Variants in MAP6 observed in about 807,000 individuals in gnomAD.
The protein encoded by MAP6 is microtubule-associated protein 6.
In MAP6, 26 loss-of-function variants were observed where a neutral mutation model predicts 42.4. The ratio of observed to expected loss-of-function variants is 0.61; its 90% CI spans 0.45 to 0.85. The LOEUF is 0.85. Ranked by LOEUF, MAP6 falls within the 40% of genes least tolerant of loss-of-function variation. MAP6 has a pLI of 0.00. For missense variants in MAP6, 966 were observed against 1,099.0 expected, an observed-to-expected ratio of 0.88 and a Z score of 1.71; for synonymous variants, 418 against 443.8, an observed-to-expected ratio of 0.94 and a Z score of 0.73.
At chr11:75,607,287 G>T (rs1942797770) in intron 2 of MAP6, 2 of 985,342 alleles carry the variant, frequency 2.0e-6, no homozygotes, top group Non-Finnish European at 1.2e-6. Context: ...CAGAGAAAAG[G>T]ATAATTAGGT....
At chr11:75,636,862 A>G (rs1206546795) in intron 1 of MAP6, among the ~76,000 whole-genome samples, 11 of 152,112 alleles carry the variant, frequency 7.2e-5, no homozygotes, top group Non-Finnish European at 1.6e-4. Flanking sequence ...TTGCCTCCTG[A>G]CCCAACTTGG....
Position 75,667,094 on chromosome 11 carries a change from G to C in MAP6, c.905+371C>G, listed in dbSNP as rs568607831. On this transcript the variant is annotated intron_variant, in intron 1 of 3. Coordinates refer to ENST00000304771, the MANE Select transcript of MAP6 (RefSeq NM_033063.2). This position sits in a 1 kb window ranked among gnomAD's most constrained non-coding sequence, Gnocchi z 5.6. Reference sequence around the variant, plus strand: ...CTGGAAGAATGGGGACCCTGCAAAGGGCAACATCCAGGCTAACGCAGCAGG... The same window carrying C: ...CTGGAAGAATGGGGACCCTGCAAAGCGCAACATCCAGGCTAACGCAGCAGG... 7.9e-5 allele frequency among the ~76,000 whole-genome samples: 12 copies of C among 152,210 alleles called. No individual in the cohort carries two copies. Among genetic ancestry groups the C allele is most frequent in the South Asian group, 2.1e-4 (1 of 4,808 alleles).
intron 1 of MAP6, among the ~76,000 whole-genome samples, chr11:75,629,784 T>C (rs1051946648): frequency 6.6e-6 from 1 of 151,980 alleles, no homozygotes; most frequent in Non-Finnish European, 1.5e-5. Context: ...TGGAGGGAGC[T>C]GTTACTGAAG....
intron 1 of MAP6, among the ~76,000 whole-genome samples, chr11:75,656,203 C>T (rs922287816): frequency 1.3e-5 from 2 of 152,132 alleles, no homozygotes; most frequent in African/African-American, 4.8e-5. Context: ...AGACACTGCA[C>T]AAAATGGACA....
Position 75,628,029 on chromosome 11 carries a change from C to T in MAP6, c.906-19707G>A, listed in dbSNP as rs115113617. 6.4e-3 allele frequency among the ~76,000 whole-genome samples: 972 copies of T among 152,170 alleles called. 14 individuals carry two copies. The highest frequency in any genetic ancestry group is 0.022 in the African/African-American group (930 of 41,496). On this transcript the variant is annotated intron_variant, in intron 1 of 3. Transcript: ENST00000304771. ...ATCAAGAGAGAGGCTCAAGGACACC[C>T]GGATCTCAGGGGCTGTGCTGGAGCC... is the stretch of plus-strand genomic sequence containing the variant.
chr11:75,606,718 C>T (rs1365619537), intron 2 of MAP6, among the ~76,000 whole-genome samples: 1 of 152,176 alleles, frequency 6.6e-6, no homozygotes, highest in Non-Finnish European at 1.5e-5. Context: ...AGGCTTTCCA[C>T]TGCCAGCACT....
At chr11:75,604,718 G>C (rs1942726457) in intron 3 of MAP6, 2 of 985,346 alleles carry the variant, frequency 2.0e-6, no homozygotes, top group South Asian at 4.7e-5. Flanking sequence ...AATATACTGA[G>C]AGCTGCTTTT....
intron 1 of MAP6, among the ~76,000 whole-genome samples, chr11:75,612,964 T>A (rs1037616790): frequency 2.6e-5 from 4 of 152,158 alleles, no homozygotes; most frequent in African/African-American, 9.7e-5. Context: ...TCTTAAAGGA[T>A]AAGATAAGAC....
chr11:75,667,910 T>C lies in MAP6; in HGVS notation c.460A>G (p.Thr154Ala). 1 of 1,420,274 alleles carries C rather than the reference T, an allele frequency of 7.0e-7. No homozygotes were observed. The highest frequency in any genetic ancestry group is 9.2e-7 in the Non-Finnish European group (1 of 1,083,362). The allele number at this position is 1,420,274 out of a possible 1,614,324, so 88.0% of individuals were successfully genotyped here. A position where few individuals can be genotyped will look rare whatever the true frequency, so the allele number is the denominator to read the frequency against. The change falls in exon 1 of 4, where the codon ACC becomes GCC. Residue 154 changes from threonine to alanine, a missense_variant. This residue lies in a region of MAP6 where 943 missense variants were observed against 1,049.9 expected (regional missense o/e 0.90). Transcript: ENST00000304771. The surrounding 1 kb of genome is among the most constrained non-coding windows in gnomAD (Gnocchi z 5.6). ...GCGCGGAAGTCCTTCTGGTACTGGGTCTCGCGCTCGAAGGGAGCGTCGGAG... is the reference window on the plus strand; with the variant it reads ...GCGCGGAAGTCCTTCTGGTACTGGGCCTCGCGCTCGAAGGGAGCGTCGGAG... ...QPSDAPFERE[T>A]QYQKDFRAWP...
At position 75,667,807 on chromosome 11, in the gene MAP6, G is replaced by C; in HGVS notation, c.563C>G (p.Ala188Gly). ...GCGCTTGGGCGCCCCGAGAATGGGC[G>C]CCGACGCCTGGGAGGCCGCAGAGAT... ...VQISAASQAS[A>G]PILGAPKRRP... The change falls in exon 1 of 4, where the codon GCG (alanine) becomes GGG (glycine). Residue 188 changes from alanine to glycine, a missense_variant. Physicochemically the swap from Ala to Gly is moderately conservative, Grantham distance 60. Coordinates refer to ENST00000304771, the MANE Select transcript of MAP6 (RefSeq NM_033063.2). This position sits in a 1 kb window ranked among gnomAD's most constrained non-coding sequence, Gnocchi z 5.6. 1 of 1,312,544 alleles carries C rather than the reference G, an allele frequency of 7.6e-7. No homozygotes were observed. Among genetic ancestry groups the C allele is most frequent in the South Asian group, 2.1e-5 (1 of 47,410 alleles). 81.3% of individuals were successfully genotyped at this position (1,312,544 alleles called of 1,614,324 possible). A position where few individuals can be genotyped will look rare whatever the true frequency, so the allele number is the denominator to read the frequency against.
chr11:75,587,277 C>T lies in MAP6; in HGVS notation c.2224G>A (p.Val742Ile). 3.7e-6 allele frequency: 6 copies of T among 1,614,132 alleles called. No individual in the cohort carries two copies. Among genetic ancestry groups the T allele is most frequent in the Non-Finnish European group, 5.1e-6 (6 of 1,180,022 alleles). Residue 742 changes from valine (V) to isoleucine (I), a missense_variant, in exon 4 of 4, where the codon GTC becomes ATC. Transcript: ENST00000304771. The part of the protein sequence containing the change: ...LQPPKNQGRI[V>I]PEPLKNQVPI... Reference sequence around the variant, plus strand: ...ACTTGATTCTTCAGAGGTTCAGGGACTATACGACCTTGATTCTTTGGAGGC... The same window carrying T: ...ACTTGATTCTTCAGAGGTTCAGGGATTATACGACCTTGATTCTTTGGAGGC...
At chr11:75,623,918 C>T (rs896010251) in intron 1 of MAP6, among the ~76,000 whole-genome samples, 4 of 152,250 alleles carry the variant, frequency 2.6e-5, no homozygotes, top group Non-Finnish European at 4.4e-5. Flanking sequence ...TGATGAAGCC[C>T]GGCTGCCCAC....
chr11:75,590,039 G>A (rs1942448714), intron 3 of MAP6, among the ~76,000 whole-genome samples: 1 of 152,170 alleles, frequency 6.6e-6, no homozygotes, highest in African/African-American at 2.4e-5. Context: ...AGCATGATAT[G>A]GAACACAGCT....
chr11:75,617,034 T>C (rs922420692), intron 1 of MAP6, among the ~76,000 whole-genome samples: 4 of 152,186 alleles, frequency 2.6e-5, no homozygotes, highest in Admixed American at 6.5e-5. Flanking sequence ...CTGGCAATGA[T>C]AGGTGTCAAG....
At chr11:75,613,354 G>A (rs949253206) in intron 1 of MAP6, among the ~76,000 whole-genome samples, 10 of 151,956 alleles carry the variant, frequency 6.6e-5, no homozygotes, top group East Asian at 1.9e-4. Flanking sequence ...GCTTGTCTTC[G>A]TTTCCTTCAA....
In MAP6 at chr11:75,610,370, T is replaced by G. The variant is rs1942872313; in HGVS notation, c.906-2048A>C. Among the ~76,000 whole-genome samples, 3 of 152,232 alleles carry G rather than the reference T, an allele frequency of 2.0e-5. No individual in the cohort carries two copies. The South Asian group carries it at 6.2e-4, about 32-fold the overall frequency. ...TCATCATTCATTTTCACCCATTCAT[T>G]CAGTCATTCATTCATTCACGAAATA... On this transcript the variant is annotated intron_variant, in intron 1 of 3. Transcript: ENST00000304771.
At chr11:75,648,077 C>G (rs190721410) in intron 1 of MAP6, among the ~76,000 whole-genome samples, 47 of 152,212 alleles carry the variant, frequency 3.1e-4, no homozygotes, top group African/African-American at 1.0e-3. Flanking sequence ...AGACAAATAA[C>G]GGATTTGGGA....
chr11:75,605,972 T>C lies in MAP6; in HGVS notation c.1152A>G (p.Pro384=), dbSNP rs1257498950. The C allele has an allele frequency of 6.2e-7, 1 of 1,613,944 alleles. No homozygotes were observed. The highest frequency in any genetic ancestry group is 1.3e-5 in the African/African-American group (1 of 74,910). Reference sequence around the variant, plus strand: ...GCTTATGGCTCGCTGAGGTCTTTTTTGGTTTGGAACTCTGAACACTAGGTT... The same window carrying C: ...GCTTATGGCTCGCTGAGGTCTTTTTCGGTTTGGAACTCTGAACACTAGGTT... ...VEKPSVQSSK[P]KKTSASHKPT... is the part of the protein sequence containing the mutation. The change falls in exon 3 of 4, where the codon CCA becomes CCG. Residue 384 remains proline, a synonymous_variant. Coordinates refer to ENST00000304771, the MANE Select transcript of MAP6 (RefSeq NM_033063.2).
chr11:75,642,407 A>T (rs1943487125), intron 1 of MAP6, among the ~76,000 whole-genome samples: 1 of 152,258 alleles, frequency 6.6e-6, no homozygotes, highest in Non-Finnish European at 1.5e-5. Context: ...AGCATAAAAA[A>T]TTGAGGAACT....
Sources: allele counts gnomAD v4.1 joint callset (sites outside exome capture counted in the v4.1 genomes callset), GRCh38; gene constraint gnomAD v4.1.1; regional missense constraint gnomAD v4.1.1; non-coding constraint Gnocchi (gnomAD v3.1); transcripts MANE v1.5; gene names NCBI Gene and HGNC (gene_info 2026-07-23, HGNC 2026-07-21).